Variants in LRP1B observed in about 807,000 individuals in gnomAD.
The protein encoded by LRP1B is low-density lipoprotein receptor-related protein 1B.
Under a neutral mutation model 556.6 loss-of-function variants are expected in LRP1B, and 217 were observed. That is an observed-to-expected ratio of 0.39 (90% confidence interval 0.35 to 0.44). The LOEUF (loss-of-function observed/expected upper bound fraction) is 0.44. Among genes scored for constraint, LRP1B ranks in the 20% least tolerant of loss-of-function variants. LRP1B has a pLI of 1.00. For synonymous variants in LRP1B, 2,047 were observed against 1,865.8 expected (o/e 1.10, Z -2.50); for missense variants, 5,053 against 5,620.8 (o/e 0.90, Z 3.23).
Position 140,456,614 on chromosome 2 carries a change from GA to G in LRP1B, c.9815-12del, listed in dbSNP as rs1268343409. ...AGAGATGTTTGGAGACTAAAGATAA[GA>G]AAGAAACAACAACAACAAAACAGGA... On this transcript the variant is annotated splice_polypyrimidine_tract_variant and intron_variant, in intron 61 of 90. Transcript: ENST00000389484. 2 of 1,601,980 alleles carry G rather than the reference GA, an allele frequency of 1.2e-6. No homozygotes were observed. The highest frequency in any genetic ancestry group is 2.7e-5 in the African/African-American group (2 of 74,402).
Position 141,966,812 on chromosome 2 carries a change from C to T in LRP1B, c.83-156411G>A, listed in dbSNP as rs538782477. The stretch of plus-strand genomic sequence containing the variant: ...GTTCCGGTGGAGAAATCATTCTAAC[C>T]CATTTCTCTCTAAGCTCGCTGGATA... On this transcript the variant is annotated intron_variant, in intron 1 of 90. Transcript: ENST00000389484. Among the ~76,000 whole-genome samples the T allele has an allele frequency of 2.0e-5, 3 of 151,828 alleles. No individual in the cohort carries two copies. In the East Asian group the frequency reaches 5.9e-4, roughly 30 times the overall value.
chr2:141,564,449 G>C (rs1187683963), intron 2 of LRP1B, among the ~76,000 whole-genome samples: 1 of 152,138 alleles, frequency 6.6e-6, no homozygotes, highest in Non-Finnish European at 1.5e-5. Flanking sequence ...AGTGAGGCTA[G>C]TAGTGCAACA....
chr2:140,458,215 A>C (rs547898633), intron 60 of LRP1B, among the ~76,000 whole-genome samples: 239 of 152,230 alleles, frequency 1.6e-3, no homozygotes, highest in African/African-American at 5.5e-3. Flanking sequence ...TTTTACTTGC[A>C]AGGTGAGATG....
chr2:142,049,252 A>C (rs1704363354), intron 1 of LRP1B, among the ~76,000 whole-genome samples: 1 of 152,146 alleles, frequency 6.6e-6, no homozygotes, highest in Non-Finnish European at 1.5e-5. Flanking sequence ...TGTTATATGC[A>C]ATGCATGAAG....
chr2:141,589,448 G>A (rs1574111846), intron 2 of LRP1B, among the ~76,000 whole-genome samples: 1 of 151,988 alleles, frequency 6.6e-6, no homozygotes, highest in South Asian at 2.1e-4. Context: ...GAGTTCCTTT[G>A]TACGCTTTTT....
chr2:140,258,419 T>A (rs1254291856), intron 86 of LRP1B, among the ~76,000 whole-genome samples: 8 of 152,134 alleles, frequency 5.3e-5, no homozygotes, highest in Non-Finnish European at 1.0e-4. Context: ...GCTTTACATA[T>A]TGTAGCCCCC....
At chr2:141,884,495 T>A (rs1046861986) in intron 1 of LRP1B, among the ~76,000 whole-genome samples, 2 of 152,220 alleles carry the variant, frequency 1.3e-5, no homozygotes, top group Admixed American at 6.5e-5. Flanking sequence ...ACGAAATATG[T>A]GCTACAGTGA....
At chr2:140,742,742 C>T (rs1371851531) in intron 35 of LRP1B, among the ~76,000 whole-genome samples, 1 of 151,826 alleles carries the variant, frequency 6.6e-6, no homozygotes, top group Non-Finnish European at 1.5e-5. Flanking sequence ...TGATTTTTGC[C>T]ACTGGCAGTA....
intron 2 of LRP1B, among the ~76,000 whole-genome samples, chr2:141,654,329 CA>C (rs1015231294): frequency 1.1e-4 from 17 of 152,250 alleles, no homozygotes; most frequent in African/African-American, 3.9e-4. Context: ...GCTATAGAAT[CA>C]CTGTAATTTC....
intron 41 of LRP1B, among the ~76,000 whole-genome samples, chr2:140,674,776 G>A (rs1182649518): frequency 3.3e-5 from 5 of 152,178 alleles, no homozygotes; most frequent in Non-Finnish European, 5.9e-5. Context: ...CTTTAATAGA[G>A]GTTAAATATT....
At chr2:141,097,325 C>T (rs1700347659) in intron 7 of LRP1B, among the ~76,000 whole-genome samples, 1 of 152,132 alleles carries the variant, frequency 6.6e-6, no homozygotes, top group African/African-American at 2.4e-5. Flanking sequence ...TTTTCAAATG[C>T]TGAAACTTTT....
At chr2:141,564,572 C>G (rs894351186) in intron 2 of LRP1B, among the ~76,000 whole-genome samples, 3 of 152,062 alleles carry the variant, frequency 2.0e-5, no homozygotes, top group South Asian at 2.1e-4. Context: ...ACATAATGGT[C>G]ATTTTATTCA....
chr2:140,554,037 C>T (rs935830123), intron 43 of LRP1B, among the ~76,000 whole-genome samples: 3 of 152,170 alleles, frequency 2.0e-5, no homozygotes, highest in African/African-American at 2.4e-5. Flanking sequence ...ATGGAAGATA[C>T]ACCAGAGAGT....
chr2:141,887,258 A>C (rs939668006), intron 1 of LRP1B, among the ~76,000 whole-genome samples: 3 of 152,092 alleles, frequency 2.0e-5, no homozygotes, highest in African/African-American at 7.2e-5. Flanking sequence ...GGGCTCCCGA[A>C]GTGCTGGGAT....
intron 31 of LRP1B, among the ~76,000 whole-genome samples, chr2:140,834,078 T>C (rs1691813312): frequency 6.6e-6 from 1 of 152,196 alleles, no homozygotes; most frequent in South Asian, 2.1e-4. Flanking sequence ...CAACATTTTA[T>C]AACTTAAGGC....
chr2:140,539,858 T>G (rs543390679), intron 45 of LRP1B, among the ~76,000 whole-genome samples: 1 of 152,280 alleles, frequency 6.6e-6, no homozygotes, highest in Non-Finnish European at 1.5e-5. Context: ...TTTAAAATTT[T>G]GACCAATTGC....
rs201628193 is a variant in LRP1B at position 141,169,287 on chromosome 2, AAAATAAATAAATAAAT to A, written c.1013+19118_1013+19133del. ...GGTGACAAAGCAAGACTCTGTCTCA[AAAATAAATAAATAAAT>A]AAATAAATAAATAAATAAATAAATA... is the stretch of plus-strand genomic sequence containing the variant. On this transcript the variant is annotated intron_variant, in intron 7 of 90. Coordinates refer to ENST00000389484, the MANE Select transcript of LRP1B (RefSeq NM_018557.3). 2.4e-3 allele frequency among the ~76,000 whole-genome samples: 332 copies of A among 137,834 alleles called. 2 individuals carry two copies. The highest frequency in any genetic ancestry group is 4.8e-3 in the African/African-American group (179 of 37,348). 90.4% of individuals were successfully genotyped at this position (137,834 alleles called of 152,430 possible).
intron 3 of LRP1B, among the ~76,000 whole-genome samples, chr2:141,344,621 T>A (rs1290205120): frequency 6.6e-6 from 1 of 152,204 alleles, no homozygotes; most frequent in Non-Finnish European, 1.5e-5. Flanking sequence ...TATTCTCATA[T>A]ATGTTATGTA....
chr2:140,331,248 G>A (rs1558807775), intron 79 of LRP1B, among the ~76,000 whole-genome samples: 2 of 152,018 alleles, frequency 1.3e-5, no homozygotes, highest in Admixed American at 1.3e-4. Flanking sequence ...GCCATAAAAA[G>A]GAATGCGATC....
Sources: allele counts gnomAD v4.1 joint callset (sites outside exome capture counted in the v4.1 genomes callset), GRCh38; gene constraint gnomAD v4.1.1; transcripts MANE v1.5; gene names NCBI Gene and HGNC (gene_info 2026-07-23, HGNC 2026-07-21).